Variants in CDK13 observed in about 807,000 individuals in gnomAD.
CDK13 encodes cyclin-dependent kinase 13.
Under a neutral mutation model 137.6 loss-of-function variants are expected in CDK13, and 40 were observed. The ratio of observed to expected loss-of-function variants is 0.29; its 90% CI spans 0.23 to 0.38. The LOEUF (loss-of-function observed/expected upper bound fraction) is 0.38, where lower values mean the gene tolerates loss of function less well. CDK13 is among the 10% of genes least tolerant of loss of function. The pLI is 1.00. For missense variants in CDK13, 1,704 were observed against 1,951.8 expected, an observed-to-expected ratio of 0.87 and a Z score of 2.39; for synonymous variants, 869 against 760.1, an observed-to-expected ratio of 1.14 and a Z score of -2.36.
intron 5 of CDK13, among the ~76,000 whole-genome samples, chr7:40,041,842 GT>G (rs1355535808): frequency 6.6e-6 from 1 of 152,048 alleles, no homozygotes; most frequent in Non-Finnish European, 1.5e-5. Flanking sequence ...ATATTGTTTT[GT>G]TTTTAAGTGT....
chr7:40,002,775 C>CT (rs1784711457), intron 5 of CDK13, among the ~76,000 whole-genome samples: 1 of 151,808 alleles, frequency 6.6e-6, no homozygotes, highest in Admixed American at 6.6e-5. Flanking sequence ...CAAACTAAAT[C>CT]TAACATAAAG....
chr7:39,987,807 G>A lies in CDK13; in HGVS notation c.1420G>A (p.Ala474Thr), dbSNP rs2116264751. The change falls in exon 2 of 14, where the codon GCA (alanine) becomes ACA (threonine). Residue 474 changes from alanine to threonine, a missense_variant. Coordinates refer to ENST00000181839, the MANE Select transcript of CDK13 (RefSeq NM_003718.5). The part of the protein sequence containing the change: ...AARAAEAAKA[A>T]EATKAAEAAA... ...AAGAGCCGCAGAAGCAGCGAAAGCT[G>A]CAGAAGCAACTAAGGCTGCTGAGGC... 6.2e-7 allele frequency: 1 copy of A among 1,613,920 alleles called. No individual in the cohort carries two copies. Among genetic ancestry groups the A allele is most frequent in the South Asian group, 1.1e-5 (1 of 91,042 alleles).
At chr7:40,007,934 GATAGGT>G (rs1784826448) in intron 5 of CDK13, among the ~76,000 whole-genome samples, 1 of 152,186 alleles carries the variant, frequency 6.6e-6, no homozygotes, top group Non-Finnish European at 1.5e-5. Context: ...GTGCAGTTTG[GATAGGT>G]ATAGTGGAGG....
chr7:39,971,346 A>G (rs886602932), intron 1 of CDK13, among the ~76,000 whole-genome samples: 5 of 151,548 alleles, frequency 3.3e-5, no homozygotes, highest in African/African-American at 1.2e-4. Flanking sequence ...ACAAAACCCC[A>G]TCTCTGCTAA....
chr7:40,065,046 C>T (rs929033188), intron 9 of CDK13, among the ~76,000 whole-genome samples: 2 of 139,816 alleles, frequency 1.4e-5, no homozygotes, highest in Non-Finnish European at 3.0e-5. Context: ...TGGACTCAAG[C>T]GATCATCCTG....
Position 39,951,179 on chromosome 7 carries a change from A to T in CDK13, c.538A>T (p.Ser180Cys). 1.6e-6 allele frequency: 2 copies of T among 1,244,124 alleles called. No individual in the cohort carries two copies. Among genetic ancestry groups the T allele is most frequent in the Non-Finnish European group, 2.0e-6 (2 of 996,110 alleles). The allele number at this position is 1,244,124 out of a possible 1,614,324, so 77.1% of individuals were successfully genotyped here. A position where few individuals can be genotyped will look rare whatever the true frequency, so the allele number is the denominator to read the frequency against. Residue 180 changes from serine to cysteine, a missense_variant, in exon 1 of 14, where the codon AGT (serine) becomes TGT (cysteine). Ser to Cys is a moderately radical substitution (Grantham distance 112). Around this residue, in one of 5 missense-constraint regions of CDK13, gnomAD observed 1,051 missense variants for 931.0 expected, o/e 1.13. Coordinates refer to ENST00000181839, the MANE Select transcript of CDK13 (RefSeq NM_003718.5). The part of the protein sequence containing the change: ...AAGGTGGSGG[S>C]PASSSGTQRR... Reference sequence around the variant, plus strand: ...CGGGGGAACGGGGGGCAGCGGCGGGAGTCCGGCCTCCTCCTCCGGCACCCA... The same window carrying T: ...CGGGGGAACGGGGGGCAGCGGCGGGTGTCCGGCCTCCTCCTCCGGCACCCA...
intron 5 of CDK13, among the ~76,000 whole-genome samples, chr7:40,039,434 A>ATTCTTTTTTTTTTT (rs1785556469): frequency 1.2e-5 from 1 of 84,996 alleles, no homozygotes; most frequent in Non-Finnish European, 2.1e-5. Flanking sequence ...TGCCCGGCTA[A>ATTCTTTTTTTTTTT]TTTTTTTTTT....
chr7:40,014,430 G>A (rs1319977453), intron 5 of CDK13, among the ~76,000 whole-genome samples: 1 of 149,304 alleles, frequency 6.7e-6, no homozygotes, highest in Non-Finnish European at 1.5e-5. Flanking sequence ...CTTATACTTA[G>A]AGGCCATGTG....
At chr7:39,971,386 G>A (rs1783995076) in intron 1 of CDK13, among the ~76,000 whole-genome samples, 1 of 151,896 alleles carries the variant, frequency 6.6e-6, no homozygotes, top group Non-Finnish European at 1.5e-5. Context: ...GTGTGGTGAT[G>A]TGCACCTGTA....
In CDK13 at chr7:40,092,861, T is replaced by G. The variant is rs1369463261; in HGVS notation, c.3312T>G (p.Ser1104Arg). Residue 1104 changes from serine (S) to arginine (R), a missense_variant, in exon 13 of 14, where the codon AGT becomes AGG. Transcript: ENST00000181839. ...ILLNLLQSKT[S>R]VNMADFVQVL... is the part of the protein sequence containing the mutation. Reference sequence around the variant, plus strand: ...TAAACCTACTACAATCTAAAACAAGTGTTAATATGGCTGATTTTGTCCAAG... The same window carrying G: ...TAAACCTACTACAATCTAAAACAAGGGTTAATATGGCTGATTTTGTCCAAG... 6.2e-7 allele frequency: 1 copy of G among 1,614,152 alleles called. No individual in the cohort carries two copies. Among genetic ancestry groups the G allele is most frequent in the Admixed American group, 1.7e-5 (1 of 60,020 alleles).
At chr7:40,064,594 A>G (rs1786235198) in intron 9 of CDK13, among the ~76,000 whole-genome samples, 3 of 152,110 alleles carry the variant, frequency 2.0e-5, no homozygotes, top group Admixed American at 2.0e-4. Flanking sequence ...CAGCAGGGAA[A>G]GATGAGTGCC....
At chr7:40,071,928 C>T (rs183209555) in intron 9 of CDK13, 4 of 152,136 alleles carry the variant, frequency 2.6e-5, no homozygotes, top group South Asian at 2.1e-4. Context: ...TTTTCTTTGC[C>T]GGTAAAAATA....
chr7:40,094,303 A>G lies in CDK13; in HGVS notation c.3862A>G (p.Ser1288Gly). ...RTENQHVPTT[S>G]SSLTDPHAGV... Reference sequence around the variant, plus strand: ...AGAAAACCAGCATGTACCCACCACCAGTTCTTCATTAACTGACCCTCATGC... The same window carrying G: ...AGAAAACCAGCATGTACCCACCACCGGTTCTTCATTAACTGACCCTCATGC... The change falls in exon 14 of 14, where the codon AGT (serine) becomes GGT (glycine). Residue 1288 changes from serine (S) to glycine (G), a missense_variant. Coordinates refer to ENST00000181839, the MANE Select transcript of CDK13 (RefSeq NM_003718.5). The G allele has an allele frequency of 6.2e-7, 1 of 1,613,146 alleles. No individual in the cohort carries two copies. Among genetic ancestry groups the G allele is most frequent in the Non-Finnish European group, 8.5e-7 (1 of 1,179,598 alleles).
rs1037518615 is a variant in CDK13 at position 39,975,652 on chromosome 7, A to G, written c.1212-11947A>G. Among the ~76,000 whole-genome samples the G allele has an allele frequency of 1.6e-4, 25 of 152,306 alleles. 3 individuals are homozygous for G. Among genetic ancestry groups the G allele is most frequent in the Admixed American group, 1.6e-3 (25 of 15,298 alleles). ...TTGAAATGATGAGAGAGAGCCCGCCATGTGATGATCTAAGCATCCCAGGAA... is the reference window on the plus strand; with the variant it reads ...TTGAAATGATGAGAGAGAGCCCGCCGTGTGATGATCTAAGCATCCCAGGAA... On this transcript the variant is annotated intron_variant, in intron 1 of 13. Transcript: ENST00000181839.
intron 9 of CDK13, among the ~76,000 whole-genome samples, chr7:40,068,697 C>A (rs1786338297): frequency 1.0e-5 from 1 of 98,286 alleles, no homozygotes. Context: ...CAGAGTGAGA[C>A]TATGTCTCAG....
chr7:40,022,503 A>G (rs976482479), intron 5 of CDK13, among the ~76,000 whole-genome samples: 2 of 152,224 alleles, frequency 1.3e-5, no homozygotes, highest in African/African-American at 4.8e-5. Context: ...ATACTTTTAA[A>G]AGAAATATTG....
intron 5 of CDK13, among the ~76,000 whole-genome samples, chr7:40,023,981 A>G (rs1034279377): frequency 6.6e-6 from 1 of 152,210 alleles, no homozygotes; most frequent in African/African-American, 2.4e-5. Context: ...TTTTCTCTTA[A>G]ATAGAAGATA....
chr7:40,026,725 G>A (rs1290404799), intron 5 of CDK13, among the ~76,000 whole-genome samples: 1 of 152,116 alleles, frequency 6.6e-6, no homozygotes, highest in African/African-American at 2.4e-5. Flanking sequence ...AGACCTTTGC[G>A]GTGATTGTCA....
At chr7:39,989,127 G>A (rs1253902706) in intron 2 of CDK13, among the ~76,000 whole-genome samples, 1 of 143,678 alleles carries the variant, frequency 7.0e-6, no homozygotes, top group Non-Finnish European at 1.5e-5. Context: ...AATTCATAAT[G>A]TGATTATGCT....
Sources: allele counts gnomAD v4.1 joint callset (sites outside exome capture counted in the v4.1 genomes callset), GRCh38; gene constraint gnomAD v4.1.1; regional missense constraint gnomAD v4.1.1; transcripts MANE v1.5; gene names NCBI Gene and HGNC (gene_info 2026-07-23, HGNC 2026-07-21).